Variants in FKBP7 observed in about 807,000 individuals in gnomAD.
FKBP7 encodes FKBP prolyl isomerase 7.
A neutral mutation model predicts 24.3 loss-of-function variants in FKBP7; 24 were observed. The observed-to-expected ratio is 0.99, with a 90% CI of 0.72 to 1.39. The LOEUF (loss-of-function observed/expected upper bound fraction) is 1.39, where lower values mean the gene tolerates loss of function less well. Ranked by LOEUF, FKBP7 falls within the 40% of genes most tolerant of loss-of-function variation. The pLI is 0.00. For synonymous variants in FKBP7, 98 were observed against 92.8 expected (o/e 1.06, Z -0.32); for missense variants, 257 against 269.5 (o/e 0.95, Z 0.33).
At chr2:178,470,248 CCAATA>C (rs901545806) in intron 2 of FKBP7, among the ~76,000 whole-genome samples, 2 of 152,126 alleles carry the variant, frequency 1.3e-5, no homozygotes, top group Admixed American at 6.5e-5. Context: ...TATTCCCTAA[CCAATA>C]CAATATAACA....
chr2:178,474,019 A>AC (rs369739456), intron 2 of FKBP7, among the ~76,000 whole-genome samples: 6 of 151,188 alleles, frequency 4.0e-5, no homozygotes, highest in African/African-American at 1.2e-4. Flanking sequence ...AAGCACTGAC[A>AC]CCCCCCCACC....
At chr2:178,476,699 A>G (rs1346094126) in intron 2 of FKBP7, among the ~76,000 whole-genome samples, 1 of 151,488 alleles carries the variant, frequency 6.6e-6, no homozygotes, top group Non-Finnish European at 1.5e-5. Context: ...TTAAGGCTGA[A>G]TAATATTCCA....
chr2:178,466,098 C>G (rs915434645), intron 3 of FKBP7, among the ~76,000 whole-genome samples, 167 bp from the exon 4 acceptor site: 1 of 152,116 alleles, frequency 6.6e-6, no homozygotes, highest in African/African-American at 2.4e-5. Flanking sequence ...TTCTTTGAAG[C>G]AATGTTTTGG....
At position 178,478,347 on chromosome 2, in the gene FKBP7, C is replaced by A; in HGVS notation, c.153G>T (p.Lys51Asn). ...AATGGGCATTTAGTAGGTCTCCCTT[C>A]TTGCTTGTCTTAGAGCAGTTTTCTG... ...HRPENCSKTSKKGDLLNAHYD... is the reference protein window; with the variant it reads ...HRPENCSKTSNKGDLLNAHYD... Residue 51 changes from lysine to asparagine, a missense_variant, in exon 1 of 4, where the codon AAG becomes AAT. Lys to Asn is a moderately conservative substitution (Grantham distance 94, BLOSUM62 0). Transcript: ENST00000424785. 6.2e-7 allele frequency: 1 copy of A among 1,614,174 alleles called. No homozygotes were observed.
intron 2 of FKBP7, among the ~76,000 whole-genome samples, chr2:178,474,444 A>C (rs1684945415): frequency 1.3e-5 from 2 of 152,246 alleles, no homozygotes; most frequent in Admixed American, 1.3e-4. Context: ...GTTAGAGTGA[A>C]AAGAAATCTT....
At chr2:178,476,648 GC>G (rs1242513743) in intron 2 of FKBP7, among the ~76,000 whole-genome samples, 1 of 151,380 alleles carries the variant, frequency 6.6e-6, no homozygotes, top group African/African-American at 2.4e-5. Flanking sequence ...TGTCCTCAAG[GC>G]TGATACATGT....
chr2:178,477,233 T>C lies in FKBP7; in HGVS notation c.222-20A>G. 6.2e-7 allele frequency: 1 copy of C among 1,601,484 alleles called. No individual in the cohort carries two copies. Among genetic ancestry groups the C allele is most frequent in the African/African-American group, 1.4e-5 (1 of 73,962 alleles). On this transcript the variant is annotated intron_variant, in intron 1 of 3. Coordinates refer to ENST00000424785, the MANE Select transcript of FKBP7 (RefSeq NM_181342.3). ...GTCCGGCTATAACAAAAAGCAATACTTAAGTAAACTGATTTCAAGAAATCA... is the reference window on the plus strand; with the variant it reads ...GTCCGGCTATAACAAAAAGCAATACCTAAGTAAACTGATTTCAAGAAATCA...
At chr2:178,470,385 G>A (rs1343742117) in intron 2 of FKBP7, among the ~76,000 whole-genome samples, 1 of 152,182 alleles carries the variant, frequency 6.6e-6, no homozygotes, top group Non-Finnish European at 1.5e-5. Context: ...TCAGGGGCTT[G>A]AGCTTCTGTG....
intron 1 of FKBP7, among the ~76,000 whole-genome samples, chr2:178,478,050 C>G (rs1267003731): frequency 6.6e-6 from 1 of 151,882 alleles, no homozygotes; most frequent in Non-Finnish European, 1.5e-5. Flanking sequence ...GTGGATGTAT[C>G]GTATTTTTGA....
intron 2 of FKBP7, among the ~76,000 whole-genome samples, chr2:178,470,096 C>A (rs1005961798): frequency 2.0e-5 from 3 of 151,772 alleles, no homozygotes; most frequent in African/African-American, 7.3e-5. Flanking sequence ...AAATCATAAA[C>A]TTTTTATTAA....
At chr2:178,473,082 G>C in intron 2 of FKBP7, 1 of 1,305,292 alleles carries the variant, frequency 7.7e-7, no homozygotes, top group African/African-American at 1.5e-5. Flanking sequence ...AAGACATGCA[G>C]GGTTGTTCTG....
At chr2:178,472,872 G>A (rs148041748) in intron 2 of FKBP7, among the ~76,000 whole-genome samples, 2,254 of 72,878 alleles carry the variant, frequency 0.031, 56 homozygotes, top group Middle Eastern at 0.1. Flanking sequence ...AAAAAAAAAA[G>A]GATATATTGC....
In FKBP7 at chr2:178,478,597, T is replaced by C. The variant is rs367946624; in HGVS notation, c.-98A>G. On this transcript the variant is annotated 5_prime_UTR_variant, in exon 1 of 4. Coordinates refer to ENST00000424785, the MANE Select transcript of FKBP7 (RefSeq NM_181342.3). ...GACGCGTGGCAGGCGTTGTCCTGCG[T>C]CACAAAGGGCCGGGGCGGGGCCATA... 1.4e-5 allele frequency: 22 copies of C among 1,552,582 alleles called. No homozygotes were observed. The East Asian group carries it at 4.0e-4, about 28-fold the overall frequency.
intron 3 of FKBP7, among the ~76,000 whole-genome samples, chr2:178,467,166 T>G (rs540554829): frequency 3.3e-4 from 51 of 152,310 alleles, no homozygotes; most frequent in African/African-American, 1.2e-3. Context: ...TGCTGATGCT[T>G]AAACTTGACT....
intron 3 of FKBP7, among the ~76,000 whole-genome samples, chr2:178,466,267 T>C (rs1471275212): frequency 2.0e-5 from 3 of 152,142 alleles, no homozygotes; most frequent in Non-Finnish European, 4.4e-5. Flanking sequence ...TGACTGCCAT[T>C]AGTGAAAGAA....
intron 2 of FKBP7, among the ~76,000 whole-genome samples, chr2:178,475,547 A>G (rs540879118): frequency 6.6e-5 from 10 of 152,214 alleles, no homozygotes; most frequent in Non-Finnish European, 1.2e-4. Flanking sequence ...TTCACTTTTG[A>G]TAACAGTTGA....
At chr2:178,465,965 AG>A (rs1684644600) in intron 3 of FKBP7, 34 bp from the exon 4 acceptor site, 1 of 1,523,440 alleles carries the variant, frequency 6.6e-7, no homozygotes, top group East Asian at 2.3e-5. Flanking sequence ...TTTAATTAAA[AG>A]GTATCACAGT....
At position 178,478,521 on chromosome 2, in the gene FKBP7, C is replaced by A. The variant is rs574435335; in HGVS notation, c.-22G>T. ...GCATCGGCTCCAGCAGAACACTGCT[C>A]TCCCTCCCGCGTGTCACTCGCGCCC... On this transcript the variant is annotated 5_prime_UTR_variant, in exon 1 of 4. Coordinates refer to ENST00000424785, the MANE Select transcript of FKBP7 (RefSeq NM_181342.3). 6.2e-7 allele frequency: 1 copy of A among 1,612,004 alleles called. No individual in the cohort carries two copies. Among genetic ancestry groups the A allele is most frequent in the South Asian group, 1.1e-5 (1 of 90,896 alleles).
chr2:178,475,918 A>G lies in FKBP7; in HGVS notation c.373+1144T>C, dbSNP rs182857663. Among the ~76,000 whole-genome samples the G allele has an allele frequency of 1.5e-3, 221 of 152,338 alleles. 5 individuals are homozygous for G. In the South Asian group the frequency reaches 0.022, roughly 15 times the overall value. On this transcript the variant is annotated intron_variant, in intron 2 of 3. Transcript: ENST00000424785. Reference sequence around the variant, plus strand: ...TTGAAAGAATAAGATCATTTCTTGCACATTTGAAGGCTTGTCCTGTATTGG... The same window carrying G: ...TTGAAAGAATAAGATCATTTCTTGCGCATTTGAAGGCTTGTCCTGTATTGG...
Sources: gnomAD v4.1 joint callset for allele counts (sites outside exome capture counted in the v4.1 genomes callset) on GRCh38, gnomAD v4.1.1 for gene constraint, MANE v1.5 for transcripts, NCBI Gene and HGNC (gene_info 2026-07-23, HGNC 2026-07-21) for gene names.